DAPK2: variants seen among roughly 807,000 people sequenced by gnomAD.
DAPK2 encodes death-associated protein kinase 2.
DAPK2 carries 35 observed loss-of-function variants against 44.1 expected under a neutral mutation model. The observed-to-expected ratio is 0.79, with a 90% CI of 0.61 to 1.05. The LOEUF is 1.05. Ranked by LOEUF, DAPK2 falls within the 50% of genes least tolerant of loss-of-function variation. DAPK2 has a pLI of 0.00. For synonymous variants in DAPK2, 174 were observed against 182.6 expected, an observed-to-expected ratio of 0.95 and a Z score of 0.38; for missense variants, 453 against 483.2, an observed-to-expected ratio of 0.94 and a Z score of 0.59.
At chr15:63,991,084 C>A (rs74021217) in intron 1 of DAPK2, 4,706 of 371,432 alleles carry the variant, frequency 0.013, 204 homozygotes, top group African/African-American at 0.092. Flanking sequence ...CTTGGGGACA[C>A]ATTCCCCAAG....
chr15:63,987,102 T>C (rs543166685), intron 1 of DAPK2, among the ~76,000 whole-genome samples: 21 of 152,274 alleles, frequency 1.4e-4, no homozygotes, highest in Non-Finnish European at 2.9e-4. Context: ...AGGCAGAAGA[T>C]TACTCTAGCT....
chr15:64,017,790 C>T (rs1334814849), intron 1 of DAPK2, among the ~76,000 whole-genome samples: 6 of 152,166 alleles, frequency 3.9e-5, no homozygotes, highest in Non-Finnish European at 8.8e-5. Flanking sequence ...GTGATTATTA[C>T]AATGATTCCC....
intron 6 of DAPK2, 54 bp downstream of exon 7, chr15:63,929,497 T>A: frequency 1.9e-6 from 3 of 1,611,500 alleles, no homozygotes; most frequent in Non-Finnish European, 2.5e-6. Flanking sequence ...TCTCATTCCT[T>A]CTGGTTCCCC....
At chr15:63,947,298 A>G (rs1426965050) in intron 3 of DAPK2, among the ~76,000 whole-genome samples, 1 of 151,392 alleles carries the variant, frequency 6.6e-6, no homozygotes, top group African/African-American at 2.4e-5. Flanking sequence ...CTGCACTACA[A>G]TTCCTTCCTT....
upstream of DAPK2, chr15:64,046,392 A>G (rs1376917472): frequency 0.019 from 5,564 of 288,244 alleles, 197 homozygotes; most frequent in South Asian, 0.048. The surrounding 1 kb of genome is among the most constrained non-coding windows in gnomAD (Gnocchi z 5.3). Flanking sequence ...CGCGGCGGGA[A>G]CGGGGGACGC....
At chr15:63,987,031 A>G (rs1341195183) in intron 1 of DAPK2, among the ~76,000 whole-genome samples, 1 of 152,232 alleles carries the variant, frequency 6.6e-6, no homozygotes, top group Non-Finnish European at 1.5e-5. Flanking sequence ...CTCTCCCATC[A>G]GCATGATTTT....
intron 1 of DAPK2, among the ~76,000 whole-genome samples, chr15:63,992,380 C>T (rs1042908305): frequency 6.6e-6 from 1 of 152,100 alleles, no homozygotes; most frequent in African/African-American, 2.4e-5. Context: ...CTCACCCAAC[C>T]ATCCACCCAT....
At chr15:64,002,900 G>A (rs2079118611) in intron 1 of DAPK2, among the ~76,000 whole-genome samples, 1 of 151,100 alleles carries the variant, frequency 6.6e-6, no homozygotes, top group Admixed American at 6.6e-5. Context: ...GAGGGAGGGA[G>A]AGAAAGACTG....
chr15:63,997,278 G>T (rs1413988659), intron 1 of DAPK2, among the ~76,000 whole-genome samples: 1 of 152,198 alleles, frequency 6.6e-6, no homozygotes, highest in African/African-American at 2.4e-5. Context: ...GGAAAGGTAT[G>T]TGTCAAATCC....
chr15:64,031,607 G>A (rs1168774309), intron 1 of DAPK2, among the ~76,000 whole-genome samples: 2 of 152,236 alleles, frequency 1.3e-5, no homozygotes, highest in East Asian at 3.8e-4. Flanking sequence ...GCATGTGTAT[G>A]ATCAGAGAGG....
chr15:64,016,744 G>A (rs936946450), intron 1 of DAPK2, among the ~76,000 whole-genome samples: 1 of 151,774 alleles, frequency 6.6e-6, no homozygotes, highest in Non-Finnish European at 1.5e-5. Context: ...AATGAGCCAT[G>A]ACTATGCTAC....
At chr15:63,922,889 A>G in intron 8 of DAPK2, 1 of 1,535,916 alleles carries the variant, frequency 6.5e-7, no homozygotes, top group African/African-American at 1.4e-5. Context: ...AATCCACTGC[A>G]GGTCTGCGGA....
At position 63,949,758 on chromosome 15, in the gene DAPK2, G is replaced by A. The variant is rs1019802017; in HGVS notation, c.454-10397C>T. Among the ~76,000 whole-genome samples the A allele has an allele frequency of 9.9e-5, 15 of 152,156 alleles. 2 individuals are homozygous for A. The highest frequency in any genetic ancestry group is 8.5e-4 in the Admixed American group (13 of 15,278). ...CCCATCCTTAGGTAGATAGGAGTTC[G>A]ATTCCACTTCTACCCATCCTAGCTC... is the stretch of plus-strand genomic sequence containing the variant. On this transcript the variant is annotated intron_variant, in intron 3 of 10. Transcript: ENST00000261891.
At chr15:63,947,733 T>C (rs1245181497) in intron 3 of DAPK2, among the ~76,000 whole-genome samples, 1 of 152,220 alleles carries the variant, frequency 6.6e-6, no homozygotes, top group South Asian at 2.1e-4. Flanking sequence ...TCCTTGATGA[T>C]GTCTCTCCTT....
intron 1 of DAPK2, among the ~76,000 whole-genome samples, chr15:63,989,696 T>A (rs2078765048): frequency 6.6e-6 from 1 of 152,150 alleles, no homozygotes; most frequent in African/African-American, 2.4e-5. Flanking sequence ...CACACACACA[T>A]ACATACACAC....
chr15:63,925,185 A>G (rs1011595109), intron 7 of DAPK2, among the ~76,000 whole-genome samples: 6 of 152,188 alleles, frequency 3.9e-5, no homozygotes, highest in Non-Finnish European at 8.8e-5. Flanking sequence ...CTCCATTGCT[A>G]AATCCCTGGT....
chr15:64,025,369 C>T (rs905807952), intron 1 of DAPK2, among the ~76,000 whole-genome samples: 5 of 152,184 alleles, frequency 3.3e-5, no homozygotes, highest in Admixed American at 6.5e-5. Flanking sequence ...ACATCCAGAG[C>T]GCCCTTCCCT....
intron 1 of DAPK2, among the ~76,000 whole-genome samples, chr15:64,001,145 G>A (rs1447324510): frequency 6.6e-6 from 1 of 151,030 alleles, no homozygotes; most frequent in Non-Finnish European, 1.5e-5. Flanking sequence ...CCAAAGTGCT[G>A]CAAGTGCAGG....
intron 3 of DAPK2, among the ~76,000 whole-genome samples, chr15:63,964,382 G>A: frequency 6.6e-6 from 1 of 151,976 alleles, no homozygotes; most frequent in Admixed American, 6.5e-5. Flanking sequence ...CTTTACTCTT[G>A]ACTTTTGGGA....
Sources: gnomAD v4.1 joint callset for allele counts (sites outside exome capture counted in the v4.1 genomes callset) on GRCh38, gnomAD v4.1.1 for gene constraint, Gnocchi (gnomAD v3.1) non-coding constraint, MANE v1.5 for transcripts, NCBI Gene and HGNC (gene_info 2026-07-23, HGNC 2026-07-21) for gene names.